The following GRID2 variants were observed in gnomAD, a reference collection of about 807,000 sequenced individuals.
GRID2 encodes the protein glutamate ionotropic receptor delta type subunit 2.
Under a neutral mutation model 114.8 loss-of-function variants are expected in GRID2, and 33 were observed. The observed-to-expected ratio is 0.29, with a 90% CI of 0.22 to 0.38. The LOEUF is 0.38. Among genes scored for constraint, GRID2 ranks in the 10% least tolerant of loss-of-function variants. The probability of loss-of-function intolerance (pLI) is 1.00; values close to 1 mark genes in which losing one functional copy is unlikely to be tolerated. For synonymous variants in GRID2, 505 were observed against 449.9 expected (o/e 1.12, Z -1.55); for missense variants, 1,184 against 1,257.7 (o/e 0.94, Z 0.89).
chr4:92,806,418 A>G (rs1740419194), intron 2 of GRID2, among the ~76,000 whole-genome samples: 1 of 151,912 alleles, frequency 6.6e-6, no homozygotes, highest in Non-Finnish European at 1.5e-5. Flanking sequence ...TCCAAAACTG[A>G]CATAGGTGTT....
intron 2 of GRID2, among the ~76,000 whole-genome samples, chr4:92,847,706 T>C (rs1743437995): frequency 6.6e-6 from 1 of 152,082 alleles, no homozygotes; most frequent in African/African-American, 2.4e-5. Flanking sequence ...TAGTCTAGTG[T>C]CATAAATAAT....
chr4:92,771,472 C>T (rs922639989), intron 2 of GRID2, among the ~76,000 whole-genome samples: 1 of 151,960 alleles, frequency 6.6e-6, no homozygotes, highest in African/African-American at 2.4e-5. Flanking sequence ...GTGGGGAGGT[C>T]GGAGATTATT....
intron 14 of GRID2, among the ~76,000 whole-genome samples, chr4:93,701,118 A>G (rs144484203): frequency 1.3e-5 from 2 of 152,280 alleles, no homozygotes; most frequent in East Asian, 3.9e-4. Context: ...GCTAAGAGGA[A>G]TAAAAAATAA....
chr4:92,942,993 G>T (rs1195582295), intron 2 of GRID2, among the ~76,000 whole-genome samples: 1 of 152,170 alleles, frequency 6.6e-6, no homozygotes, highest in Non-Finnish European at 1.5e-5. Flanking sequence ...CTCTCTGGCT[G>T]CCCTTAACTT....
At chr4:92,512,919 GTCTT>G (rs879445496) in intron 1 of GRID2, among the ~76,000 whole-genome samples, 45 of 151,814 alleles carry the variant, frequency 3.0e-4, no homozygotes, top group Non-Finnish European at 1.3e-4. Flanking sequence ...TTGTGGTTGA[GTCTT>G]AAAGTTTTAA....
intron 1 of GRID2, among the ~76,000 whole-genome samples, chr4:92,539,017 G>A: frequency 6.7e-6 from 1 of 150,164 alleles, no homozygotes; most frequent in African/African-American, 2.5e-5. Flanking sequence ...ACTCCAGCCT[G>A]GGCGACAGAG....
intron 2 of GRID2, among the ~76,000 whole-genome samples, chr4:92,916,108 A>C (rs928168990): frequency 6.6e-6 from 1 of 152,036 alleles, no homozygotes; most frequent in Non-Finnish European, 1.5e-5. Context: ...TTTTGTTGCA[A>C]CTGCTTTTGG....
At chr4:92,390,608 A>G (rs1579285697) in intron 1 of GRID2, among the ~76,000 whole-genome samples, 1 of 152,284 alleles carries the variant, frequency 6.6e-6, no homozygotes, top group South Asian at 2.1e-4. Flanking sequence ...GTTTTCTGGT[A>G]GGATATGATA....
intron 1 of GRID2, among the ~76,000 whole-genome samples, chr4:92,449,697 AT>A (rs1560638594): frequency 1.5e-4 from 21 of 142,462 alleles, no homozygotes; most frequent in African/African-American, 4.9e-4. Flanking sequence ...ATATATATAT[AT>A]ATATATATAT....
At chr4:93,090,765 T>C (rs1455607572) in intron 3 of GRID2, among the ~76,000 whole-genome samples, 2 of 152,116 alleles carry the variant, frequency 1.3e-5, no homozygotes, top group Non-Finnish European at 2.9e-5. Context: ...ACAAAAGTTA[T>C]AGTACTGGAA....
chr4:92,802,448 A>T (rs750099641), intron 2 of GRID2, among the ~76,000 whole-genome samples: 1 of 151,722 alleles, frequency 6.6e-6, no homozygotes, highest in Non-Finnish European at 1.5e-5. Context: ...TGCTTTGTGT[A>T]TTTATCACTG....
At chr4:92,536,817 C>A (rs1725659763) in intron 1 of GRID2, among the ~76,000 whole-genome samples, 1 of 152,050 alleles carries the variant, frequency 6.6e-6, no homozygotes, top group Non-Finnish European at 1.5e-5. Context: ...GTGTAATAAG[C>A]AGCTGTTAAG....
At chr4:92,620,618 A>C (rs1730223633) in intron 2 of GRID2, among the ~76,000 whole-genome samples, 1 of 151,800 alleles carries the variant, frequency 6.6e-6, no homozygotes, top group African/African-American at 2.4e-5. Context: ...AATTGTTACT[A>C]TAATTAGATA....
rs143962961 is a variant in GRID2 at position 93,448,737 on chromosome 4, T to A, written c.1546-6925T>A. ...AATTAGTGGTAATAAAAATACTATATATCAGAATCTGTAAAGGATACTTAA... is the reference window on the plus strand; with the variant it reads ...AATTAGTGGTAATAAAAATACTATAAATCAGAATCTGTAAAGGATACTTAA... On this transcript the variant is annotated intron_variant, in intron 10 of 15. Transcript: ENST00000282020. 7.1e-3 allele frequency among the ~76,000 whole-genome samples: 1,068 copies of A among 151,282 alleles called. 17 individuals are homozygous for A. Among genetic ancestry groups the A allele is most frequent in the African/African-American group, 0.025 (1,020 of 41,178 alleles).
intron 5 of GRID2, among the ~76,000 whole-genome samples, chr4:93,213,005 T>C (rs1368470043): frequency 6.6e-6 from 1 of 152,144 alleles, no homozygotes; most frequent in African/African-American, 2.4e-5. Flanking sequence ...ACTCCTGACC[T>C]CAGGTGATCT....
chr4:93,745,469 A>AT (rs1731765030), intron 14 of GRID2, among the ~76,000 whole-genome samples: 2 of 152,160 alleles, frequency 1.3e-5, no homozygotes, highest in East Asian at 3.9e-4. Context: ...AATATATGAC[A>AT]TTTTGTTTAT....
At chr4:93,759,450 G>T (rs1388491831) in intron 14 of GRID2, among the ~76,000 whole-genome samples, 1 of 152,154 alleles carries the variant, frequency 6.6e-6, no homozygotes, top group Non-Finnish European at 1.5e-5. Context: ...AAATGTTAAA[G>T]ATTAAACAAT....
chr4:92,432,478 T>C (rs1732510040), intron 1 of GRID2, among the ~76,000 whole-genome samples: 1 of 152,054 alleles, frequency 6.6e-6, no homozygotes, highest in Non-Finnish European at 1.5e-5. Flanking sequence ...TTTCCCACTC[T>C]TTCCTCTCCT....
chr4:92,801,984 A>G (rs76684280), intron 2 of GRID2, among the ~76,000 whole-genome samples: 3,476 of 151,954 alleles, frequency 0.023, 98 homozygotes, highest in East Asian at 0.12. Context: ...GAAATACCAC[A>G]TTGTTTTTTT....
Sources: allele counts gnomAD v4.1 joint callset (sites outside exome capture counted in the v4.1 genomes callset), GRCh38; gene constraint gnomAD v4.1.1; transcripts MANE v1.5; gene names NCBI Gene and HGNC (gene_info 2026-07-23, HGNC 2026-07-21).